Variants in METTL22 observed in about 807,000 individuals in gnomAD.
The protein encoded by METTL22 is methyltransferase 22, Kin17 lysine.
Under a neutral mutation model 48.4 loss-of-function variants are expected in METTL22, and 51 were observed. The observed-to-expected ratio is 1.05, with a 90% confidence interval of 0.84 to 1.33. The LOEUF (loss-of-function observed/expected upper bound fraction) is 1.33. Ranked by LOEUF, METTL22 falls within the 40% of genes most tolerant of loss-of-function variation. The pLI is 0.00. For missense variants in METTL22, 678 were observed against 526.9 expected (o/e 1.29, Z -2.81); for synonymous variants, 255 against 214.1 (o/e 1.19, Z -1.67).
chr16:8,642,780 G>A, intron 9 of METTL22: 1 of 600,870 alleles, frequency 1.7e-6, no homozygotes, highest in South Asian at 1.9e-5. Flanking sequence ...CCACTTGACT[G>A]ATGAAGAGAG....
At chr16:8,662,051 C>G in the METTL22 span, among the ~76,000 whole-genome samples, 7 of 145,494 alleles carry the variant, frequency 4.8e-5, 1 homozygote, top group Admixed American at 2.1e-4. Flanking sequence ...CAAGACCAGC[C>G]TGGACAACAT....
At chr16:8,657,824 C>CTTTTTT in the METTL22 span, among the ~76,000 whole-genome samples, 6 of 137,432 alleles carry the variant, frequency 4.4e-5, no homozygotes, top group Admixed American at 1.5e-4. Context: ...TCTTTTCTTT[C>CTTTTTT]TTTTTTTTTT....
At position 8,646,379 on chromosome 16, in the gene METTL22, G is replaced by C. The variant is rs1025982363; in HGVS notation, c.*236G>C. The C allele has an allele frequency of 1.4e-6, 1 of 696,302 alleles. No homozygotes were observed. Among genetic ancestry groups the C allele is most frequent in the South Asian group, 1.5e-5 (1 of 66,756 alleles). The allele number at this position is 696,302 out of a possible 1,614,324, so 43.1% of individuals were successfully genotyped here. On this transcript the variant is annotated 3_prime_UTR_variant, in exon 11 of 11. Transcript: ENST00000381920. Reference sequence around the variant, plus strand: ...TTAGTTGCCTGTTTCTCATGGTTGTGATGTGTGCTCCAGGGTCAAGCCGAG... The same window carrying C: ...TTAGTTGCCTGTTTCTCATGGTTGTCATGTGTGCTCCAGGGTCAAGCCGAG...
chr16:8,652,353 G>A (rs1397010538), downstream of METTL22, among the ~76,000 whole-genome samples: 3 of 151,860 alleles, frequency 2.0e-5, no homozygotes, highest in African/African-American at 7.3e-5. Flanking sequence ...CAGCTACTCA[G>A]GAGGCTGAGG....
At chr16:8,635,819 G>A (rs748413854) in intron 5 of METTL22, among the ~76,000 whole-genome samples, 1 of 152,180 alleles carries the variant, frequency 6.6e-6, no homozygotes, top group Admixed American at 6.5e-5. Context: ...AGATGTAGGA[G>A]GCCCTGCGGT....
At chr16:8,645,544 G>A (rs972798550) in intron 10 of METTL22, among the ~76,000 whole-genome samples, 4 of 152,194 alleles carry the variant, frequency 2.6e-5, no homozygotes, top group African/African-American at 7.2e-5. Flanking sequence ...GGGAGGCCAT[G>A]GTCGGAGGGT....
chr16:8,659,303 C>T, the METTL22 span, among the ~76,000 whole-genome samples: 4 of 151,518 alleles, frequency 2.6e-5, no homozygotes, highest in African/African-American at 7.3e-5. Flanking sequence ...TGTACTCTAG[C>T]CTGGGCAACA....
At chr16:8,658,054 C>G in the METTL22 span, among the ~76,000 whole-genome samples, 2 of 152,164 alleles carry the variant, frequency 1.3e-5, no homozygotes, top group African/African-American at 2.4e-5. Flanking sequence ...CGAGTTCAAG[C>G]AATCCTCCCA....
chr16:8,634,089 T>G (rs1438452186), intron 3 of METTL22, among the ~76,000 whole-genome samples: 1 of 152,242 alleles, frequency 6.6e-6, no homozygotes, highest in Non-Finnish European at 1.5e-5. Flanking sequence ...TAAGCCACCA[T>G]GTCAAATCTA....
At chr16:8,638,006 G>T (rs1389538595) in intron 5 of METTL22, among the ~76,000 whole-genome samples, 2 of 149,290 alleles carry the variant, frequency 1.3e-5, no homozygotes, top group African/African-American at 4.9e-5. Context: ...AATTAGCCAG[G>T]CATGGTGGCG....
chr16:8,659,652 C>T, the METTL22 span, among the ~76,000 whole-genome samples: 5 of 152,144 alleles, frequency 3.3e-5, no homozygotes, highest in African/African-American at 1.2e-4. Context: ...AAAAAGGTGA[C>T]TGCATGCTAG....
At chr16:8,656,720 G>A in the METTL22 span, among the ~76,000 whole-genome samples, 2 of 152,382 alleles carry the variant, frequency 1.3e-5, no homozygotes, top group African/African-American at 4.8e-5. Context: ...AACCCAGGAA[G>A]CTGTCTTACT....
At chr16:8,642,621 A>G (rs2056659296) in intron 9 of METTL22, 56 bp downstream of exon 9, 2 of 1,495,846 alleles carry the variant, frequency 1.3e-6, no homozygotes, top group East Asian at 2.3e-5. Flanking sequence ...CGGAACTCTC[A>G]CCTCCTAATT....
At chr16:8,625,171 G>C (rs2056002209) in intron 1 of METTL22, among the ~76,000 whole-genome samples, 1 of 152,078 alleles carries the variant, frequency 6.6e-6, no homozygotes, top group South Asian at 2.1e-4. Context: ...AAATAATTTA[G>C]GGGCAAAATG....
chr16:8,642,502 C>A lies in METTL22; in HGVS notation c.947C>A (p.Thr316Lys). Reference sequence around the variant, plus strand: ...GACTTGACTGATGCTGTGTTTAAAACGCTCTCCCGACTCGCCCACAGATTG... The same window carrying A: ...GACTTGACTGATGCTGTGTTTAAAAAGCTCTCCCGACTCGCCCACAGATTG... ...DDDLTDAVFK[T>K]LSRLAHRLKN... Residue 316 changes from threonine (T) to lysine (K), a missense_variant, in exon 9 of 11, where the codon ACG becomes AAG. Thr to Lys is a moderately conservative substitution (Grantham distance 78). Transcript: ENST00000381920. The A allele has an allele frequency of 6.2e-7, 1 of 1,614,222 alleles. No homozygotes were observed. Among genetic ancestry groups the A allele is most frequent in the Non-Finnish European group, 8.5e-7 (1 of 1,180,036 alleles).
intron 3 of METTL22, chr16:8,632,057 G>A (rs1316607979): frequency 1.3e-5 from 2 of 152,232 alleles, no homozygotes; most frequent in East Asian, 3.8e-4. Flanking sequence ...TGCCTGAAAC[G>A]GGGCAGGGGT....
chr16:8,630,049 T>G (rs1275455160), intron 3 of METTL22, among the ~76,000 whole-genome samples: 2 of 152,140 alleles, frequency 1.3e-5, no homozygotes, highest in African/African-American at 2.4e-5. Flanking sequence ...GAGCTGTGAT[T>G]TGAGGCCGTT....
chr16:8,644,772 G>A (rs1241588897), intron 10 of METTL22, 47 bp downstream of exon 10: 3 of 1,486,282 alleles, frequency 2.0e-6, no homozygotes, highest in East Asian at 4.9e-5. Flanking sequence ...TTACTGTGAA[G>A]CGGGTGACTC....
downstream of METTL22, among the ~76,000 whole-genome samples, chr16:8,653,021 C>T (rs986650274): frequency 2.0e-5 from 3 of 152,212 alleles, no homozygotes; most frequent in African/African-American, 4.8e-5. Flanking sequence ...ACTGCCAGTT[C>T]AAACCCACTT....
Sources: gnomAD v4.1 joint callset for allele counts (sites outside exome capture counted in the v4.1 genomes callset) on GRCh38, gnomAD v4.1.1 for gene constraint, MANE v1.5 for transcripts, NCBI Gene and HGNC (gene_info 2026-07-23, HGNC 2026-07-21) for gene names.